Variants in PRRG1 observed in about 807,000 individuals in gnomAD.
The protein encoded by PRRG1 is transmembrane gamma-carboxyglutamic acid protein 1.
A neutral mutation model predicts 11.8 loss-of-function variants in PRRG1; 5 were observed. That is an observed-to-expected ratio of 0.42 (90% CI 0.22 to 0.89). The LOEUF is 0.89. PRRG1 is among the 40% of genes least tolerant of loss of function. The pLI is 0.28. For synonymous variants in PRRG1, 66 were observed against 60.4 expected, an observed-to-expected ratio of 1.09 and a Z score of -0.43; for missense variants, 155 against 166.1, an observed-to-expected ratio of 0.93 and a Z score of 0.37.
intron 1 of PRRG1, among the ~76,000 whole-genome samples, chrX:37,357,334 C>T (rs1195847236): frequency 1.8e-5 from 2 of 111,491 alleles, no homozygotes; most frequent in Admixed American, 9.6e-5. Flanking sequence ...TCCAAGTTGT[C>T]GTAATTATAA....
At chrX:37,390,877 G>A (rs1311414845) in intron 1 of PRRG1, among the ~76,000 whole-genome samples, 1 of 112,125 alleles carries the variant, frequency 8.9e-6, no homozygotes, top group Non-Finnish European at 1.9e-5. Flanking sequence ...GGCATGGGTA[G>A]GCATCCTTAA....
Position 37,453,310 on chromosome X carries a change from A to T in PRRG1, c.346A>T (p.Thr116Ser), listed in dbSNP as rs1269887425. The T allele has an allele frequency of 8.3e-7, 1 of 1,205,315 alleles. No homozygotes were observed. The highest frequency in any genetic ancestry group is 1.1e-6 in the Non-Finnish European group (1 of 891,750). Reference protein sequence around the residue: ...LRNKTRRQTVTEGHIPFPQHL... With the variant: ...LRNKTRRQTVSEGHIPFPQHL... ...AAACAAAACTCGTAGACAGACAGTG[A>T]CTGAAGGCCACATTCCTTTCCCTCA... Residue 116 changes from threonine to serine, a missense_variant, in exon 4 of 4, where the codon ACT (threonine) becomes TCT (serine). Coordinates refer to ENST00000378628, the MANE Select transcript of PRRG1 (RefSeq NM_001142395.2).
chrX:37,453,488 C>T lies in PRRG1; in HGVS notation c.524C>T (p.Ala175Val), dbSNP rs1556397317. ...GATCCCCCGCCAACCTATGAGGAAG[C>T]CACTGGCCAAGTGAACCTGCAGAGG... is the stretch of plus-strand genomic sequence containing the variant. ...NCDPPPTYEEATGQVNLQRSE... is the reference protein window; with the variant it reads ...NCDPPPTYEEVTGQVNLQRSE... The change falls in exon 4 of 4, where the codon GCC becomes GTC. Residue 175 changes from alanine to valine, a missense_variant. Coordinates refer to ENST00000378628, the MANE Select transcript of PRRG1 (RefSeq NM_001142395.2). The T allele has an allele frequency of 1.7e-6, 2 of 1,208,471 alleles. No individual in the cohort carries two copies. Among genetic ancestry groups the T allele is most frequent in the African/African-American group, 3.5e-5 (2 of 56,664 alleles).
At chrX:37,390,388 C>T (rs925901699) in intron 1 of PRRG1, among the ~76,000 whole-genome samples, 14 of 111,339 alleles carry the variant, frequency 1.3e-4, no homozygotes, top group Admixed American at 1.9e-4. Context: ...TGTGTATGTA[C>T]GTGCCTGTGT....
chrX:37,441,793 C>T (rs1424303214), intron 3 of PRRG1: 7 of 784,775 alleles, frequency 8.9e-6, no homozygotes, highest in South Asian at 5.9e-5. Flanking sequence ...GAAGCCAGAG[C>T]GTCAAGACTG....
At chrX:37,424,130 T>C (rs1427124889) in intron 2 of PRRG1, among the ~76,000 whole-genome samples, 1 of 111,402 alleles carries the variant, frequency 9.0e-6, no homozygotes, top group East Asian at 2.8e-4. Context: ...TGGATCCACA[T>C]TGTTAAGTGA....
chrX:37,391,627 G>A (rs148750483), intron 1 of PRRG1, among the ~76,000 whole-genome samples: 2,331 of 111,637 alleles, frequency 0.021, 20 homozygotes, highest in Non-Finnish European at 0.027. Context: ...AACTGAAGGG[G>A]TGGGTCAAGG....
chrX:37,367,429 A>C (rs1930610080), intron 1 of PRRG1, among the ~76,000 whole-genome samples: 1 of 111,359 alleles, frequency 9.0e-6, no homozygotes, highest in Non-Finnish European at 1.9e-5. Flanking sequence ...CCTGGTTTTC[A>C]TGTAGGTAAA....
At chrX:37,361,186 C>T (rs781861737) in intron 1 of PRRG1, among the ~76,000 whole-genome samples, 1 of 111,095 alleles carries the variant, frequency 9.0e-6, no homozygotes, top group South Asian at 3.8e-4. Flanking sequence ...ACTAAAAATA[C>T]AGAAAATTAG....
chrX:37,413,886 A>C (rs1932419522), intron 2 of PRRG1, among the ~76,000 whole-genome samples: 1 of 112,253 alleles, frequency 8.9e-6, no homozygotes, highest in African/African-American at 3.2e-5. Context: ...TGTTACTTAC[A>C]GTATTCACTG....
intron 3 of PRRG1, among the ~76,000 whole-genome samples, chrX:37,443,096 C>G (rs782097233): frequency 3.5e-4 from 39 of 111,618 alleles, no homozygotes; most frequent in Admixed American, 3.3e-3. Flanking sequence ...TGTAGCTGAT[C>G]CAGATGAGAG....
At chrX:37,429,266 G>T (rs1556389335) in intron 3 of PRRG1, among the ~76,000 whole-genome samples, 1 of 111,969 alleles carries the variant, frequency 8.9e-6, no homozygotes, top group Non-Finnish European at 1.9e-5. Context: ...CAGAAAATGG[G>T]TTTTTCTTTT....
At chrX:37,402,573 G>T (rs1184465699) in intron 1 of PRRG1, among the ~76,000 whole-genome samples, 28 of 111,496 alleles carry the variant, frequency 2.5e-4, no homozygotes, top group African/African-American at 8.8e-4. Context: ...ATAGGCATAG[G>T]CAAGGACTTC....
chrX:37,416,474 T>G (rs868976260), intron 2 of PRRG1, among the ~76,000 whole-genome samples: 4 of 112,134 alleles, frequency 3.6e-5, no homozygotes, highest in Middle Eastern at 9.1e-3. Flanking sequence ...TAGAATGTAA[T>G]CAGTATAGAT....
At chrX:37,415,793 G>T in intron 2 of PRRG1, among the ~76,000 whole-genome samples, 1 of 111,337 alleles carries the variant, frequency 9.0e-6, no homozygotes, top group African/African-American at 3.3e-5. Context: ...CCTTATTTAG[G>T]ATCTCCCACA....
rs781840650 is a variant in PRRG1 at position 37,390,668 on chromosome X, A to G, written c.-41-15541A>G. 2.7e-5 allele frequency among the ~76,000 whole-genome samples: 3 copies of G among 112,104 alleles called. No homozygotes were observed. The East Asian group carries it at 8.4e-4, about 32-fold the overall frequency. ...TGTCCTCATCACTGTAGACACCACC[A>G]CTACTCTTACTGTCACAGAGTGTCC... is the stretch of plus-strand genomic sequence containing the variant. On this transcript the variant is annotated intron_variant, in intron 1 of 3. Coordinates refer to ENST00000378628, the MANE Select transcript of PRRG1 (RefSeq NM_001142395.2).
chrX:37,369,595 A>G (rs1244017166), intron 1 of PRRG1, among the ~76,000 whole-genome samples: 1 of 111,559 alleles, frequency 9.0e-6, no homozygotes, highest in Non-Finnish European at 1.9e-5. Context: ...TCTAACTGAA[A>G]TTTTGTATCA....
chrX:37,398,902 G>C (rs1248378196), intron 1 of PRRG1, among the ~76,000 whole-genome samples: 1 of 110,800 alleles, frequency 9.0e-6, no homozygotes, highest in Non-Finnish European at 1.9e-5. Context: ...TGAAATGAAT[G>C]AAATGAAGTG....
chrX:37,423,424 G>T (rs1054930856), intron 2 of PRRG1, among the ~76,000 whole-genome samples: 9 of 110,451 alleles, frequency 8.1e-5, no homozygotes, highest in Non-Finnish European at 1.1e-4. Flanking sequence ...AAATTAAAAA[G>T]TATGAAGTAA....
Sources: allele counts gnomAD v4.1 joint callset (sites outside exome capture counted in the v4.1 genomes callset), GRCh38; gene constraint gnomAD v4.1.1; transcripts MANE v1.5; gene names NCBI Gene and HGNC (gene_info 2026-07-23, HGNC 2026-07-21).